Variants in ZBTB17 observed in about 807,000 individuals in gnomAD.
ZBTB17 encodes the protein zinc finger and BTB domain-containing protein 17.
A neutral mutation model predicts 85.1 loss-of-function variants in ZBTB17; 24 were observed. That is an observed-to-expected ratio of 0.28 (90% CI 0.20 to 0.40). ZBTB17 has a LOEUF of 0.40. ZBTB17 is among the 10% of genes least tolerant of loss of function. ZBTB17 has a pLI of 1.00. For missense variants in ZBTB17, 743 were observed against 1,105.1 expected (o/e 0.67, Z 4.65); for synonymous variants, 464 against 460.2 (o/e 1.01, Z -0.11).
At position 15,973,313 on chromosome 1, in the gene ZBTB17, A is replaced by G. The variant is rs2072746927; in HGVS notation, c.-89-188T>C. On this transcript the variant is annotated intron_variant, in intron 1 of 15. Transcript: ENST00000375743. This position sits in a 1 kb window ranked among gnomAD's most constrained non-coding sequence, Gnocchi z 4.1. ...GATAGCATGCTGACACTGGGACACA[A>G]AGATGCACAGACTCAGCCTCAGGCC... Among the ~76,000 whole-genome samples, 1 of 152,228 alleles carries G rather than the reference A, an allele frequency of 6.6e-6. No individual in the cohort carries two copies. Among genetic ancestry groups the G allele is most frequent in the South Asian group, 2.1e-4 (1 of 4,832 alleles).
intron 2 of ZBTB17, among the ~76,000 whole-genome samples, chr1:15,971,686 T>G (rs2072693447): frequency 6.6e-6 from 1 of 150,536 alleles, no homozygotes; most frequent in Non-Finnish European, 1.5e-5. Flanking sequence ...GCAAACCCTG[T>G]GAATTACCTG....
chr1:15,946,005 C>G, intron 5 of ZBTB17, 149 bp downstream of exon 5: 1 of 1,548,044 alleles, frequency 6.5e-7, no homozygotes, highest in South Asian at 1.1e-5. Context: ...AACAGACCCC[C>G]TGGAACACAC....
At position 15,964,124 on chromosome 1, in the gene ZBTB17, GA is replaced by G. The variant is rs34511728; in HGVS notation, c.-3+8914del. On this transcript the variant is annotated intron_variant, in intron 2 of 15. Coordinates refer to ENST00000375743, the MANE Select transcript of ZBTB17 (RefSeq NM_003443.3). This position sits in a 1 kb window ranked among gnomAD's most constrained non-coding sequence, Gnocchi z 4.3. ...AACAGCGAGACCCTGTCTCTAGAGA[GA>G]AAAAAAAAAAAAGGTTTAAAAAGAA... 4.7e-3 allele frequency among the ~76,000 whole-genome samples: 625 copies of G among 133,872 alleles called. 1 individual carries two copies. The highest frequency in any genetic ancestry group is 5.5e-3 in the African/African-American group (195 of 35,536). The allele number at this position is 133,872 out of a possible 152,430, so 87.8% of individuals were successfully genotyped here. A position where few individuals can be genotyped will look rare whatever the true frequency, so the allele number is the denominator to read the frequency against.
In ZBTB17 at chr1:15,959,783, T is replaced by C. The variant is rs563806820; in HGVS notation, c.-2-11286A>G. 2.0e-5 allele frequency among the ~76,000 whole-genome samples: 3 copies of C among 151,708 alleles called. No homozygotes were observed. The South Asian group carries it at 6.3e-4, about 32-fold the overall frequency. On this transcript the variant is annotated intron_variant, in intron 2 of 15. Coordinates refer to ENST00000375743, the MANE Select transcript of ZBTB17 (RefSeq NM_003443.3). Reference sequence around the variant, plus strand: ...GCAAAACTCTGTCAAAAAATAAAAATAAAAAAGACAGAAAAGAAAGAAAGA... The same window carrying C: ...GCAAAACTCTGTCAAAAAATAAAAACAAAAAAGACAGAAAAGAAAGAAAGA...
chr1:15,942,392 G>T lies in ZBTB17; in HGVS notation c.2067C>A (p.Ala689=). 3.1e-6 allele frequency: 5 copies of T among 1,613,562 alleles called. No homozygotes were observed. Among genetic ancestry groups the T allele is most frequent in the Non-Finnish European group, 4.2e-6 (5 of 1,179,992 alleles). The change falls in exon 15 of 16, where the codon GCC becomes GCA. Residue 689 remains alanine (A), a synonymous_variant. Transcript: ENST00000375743. ...TVVPVGAAVT[A]DETEVLKAEI... ...CGGCCTTCAGGACTTCCGTCTCATC[G>T]GCTGTCACTGCAGCTCCCACCGGCA...
chr1:15,951,092 C>G lies in ZBTB17; in HGVS notation c.-2-2595G>C, dbSNP rs912964851. 2.6e-5 allele frequency among the ~76,000 whole-genome samples: 4 copies of G among 152,222 alleles called. No homozygotes were observed. The highest frequency in any genetic ancestry group is 9.7e-5 in the African/African-American group (4 of 41,450). On this transcript the variant is annotated intron_variant, in intron 2 of 15. Transcript: ENST00000375743. The surrounding 1 kb of genome is among the most constrained non-coding windows in gnomAD (Gnocchi z 4.1). ...TGTGCCCATGAGCAACATTTTCCAC[C>G]GTGCTGACTGCACTTTTCCAATGCA...
In ZBTB17 at chr1:15,948,358, G is replaced by A. The variant is rs759192181; in HGVS notation, c.138C>T (p.Ser46=). 22 of 1,613,900 alleles carry A rather than the reference G, an allele frequency of 1.4e-5. No individual in the cohort carries two copies. The highest frequency in any genetic ancestry group is 8.0e-5 in the African/African-American group (6 of 74,952). Reference sequence around the variant, plus strand: ...CCACGAAGAGCATCTTGAAGTACTCGCTGCAGGCCGCCAGCACTGCTTTAT... The same window carrying A: ...CCACGAAGAGCATCTTGAAGTACTCACTGCAGGCCGCCAGCACTGCTTTAT... The part of the protein sequence containing the change: ...KAHKAVLAAC[S]EYFKMLFVDQ... The change falls in exon 3 of 16, where the codon AGC becomes AGT. Residue 46 remains serine (S), a synonymous_variant. Transcript: ENST00000375743.
At position 15,942,312 on chromosome 1, in the gene ZBTB17, C is replaced by G. The variant is rs752552400; in HGVS notation, c.2128+19G>C. 5 of 1,613,870 alleles carry G rather than the reference C, an allele frequency of 3.1e-6. No individual in the cohort carries two copies. The highest frequency in any genetic ancestry group is 2.2e-5 in the South Asian group (2 of 91,086). On this transcript the variant is annotated intron_variant, in intron 15 of 15. Coordinates refer to ENST00000375743, the MANE Select transcript of ZBTB17 (RefSeq NM_003443.3). Reference sequence around the variant, plus strand: ...ACCCCGGGCTCTGCCCACATTCACACCCGGGTGGCCCCCCTCACCTTCTTC... The same window carrying G: ...ACCCCGGGCTCTGCCCACATTCACAGCCGGGTGGCCCCCCTCACCTTCTTC...
At position 15,944,367 on chromosome 1, in the gene ZBTB17, C is replaced by T; in HGVS notation, c.1304G>A (p.Arg435His). The change falls in exon 9 of 16, where the codon CGC becomes CAC. Residue 435 changes from arginine (R) to histidine (H), a missense_variant. Physicochemically the swap from Arg to His is conservative, Grantham distance 29. Coordinates refer to ENST00000375743, the MANE Select transcript of ZBTB17 (RefSeq NM_003443.3). Reference protein sequence around the residue: ...RSFSDPTSKMRHLETHDTDKE... With the variant: ...RSFSDPTSKMHHLETHDTDKE... Reference sequence around the variant, plus strand: ...GTCCGTGTCGTGGGTCTCCAGGTGGCGCATCTTGGAAGTGGGGTCGGAGAA... The same window carrying T: ...GTCCGTGTCGTGGGTCTCCAGGTGGTGCATCTTGGAAGTGGGGTCGGAGAA... 1 of 1,558,938 alleles carries T rather than the reference C, an allele frequency of 6.4e-7. No individual in the cohort carries two copies.
At position 15,942,615 on chromosome 1, in the gene ZBTB17, C is replaced by G. The variant is rs1466498417; in HGVS notation, c.1952G>C (p.Gly651Ala). The G allele has an allele frequency of 1.9e-5, 30 of 1,613,442 alleles. No individual in the cohort carries two copies. The highest frequency in any genetic ancestry group is 2.5e-5 in the Non-Finnish European group (30 of 1,180,046). The change falls in exon 14 of 16, where the codon GGC becomes GCC. Residue 651 changes from glycine (G) to alanine (A), a missense_variant. Physicochemically the swap from Gly to Ala is moderately conservative, Grantham distance 60. Coordinates refer to ENST00000375743, the MANE Select transcript of ZBTB17 (RefSeq NM_003443.3). ...AGIKILEPEE[G>A]SEVSVVTVDD... is the part of the protein sequence containing the mutation. ...CACAGTGACCACGCTGACCTCACTG[C>G]CCTCCTCGGGCTCCAGGATCTTGAT...
At chr1:15,968,542 C>G (rs1220163816) in intron 2 of ZBTB17, among the ~76,000 whole-genome samples, 1 of 152,176 alleles carries the variant, frequency 6.6e-6, no homozygotes, top group Non-Finnish European at 1.5e-5. Flanking sequence ...GGGCTCCAAA[C>G]TCACTTGGGT....
Position 15,943,214 on chromosome 1 carries a change from G to T in ZBTB17, c.1698-20C>A. 6.2e-7 allele frequency: 1 copy of T among 1,614,112 alleles called. No homozygotes were observed. The highest frequency in any genetic ancestry group is 1.1e-5 in the South Asian group (1 of 91,076). ...ACGAATCTGTGGGGCCACAGGAAGG[G>T]ACTCGCATGGAACTGCCCCAACCTG... On this transcript the variant is annotated intron_variant, in intron 12 of 15. Transcript: ENST00000375743.
intron 2 of ZBTB17, among the ~76,000 whole-genome samples, chr1:15,971,381 C>CTA (rs139943728): frequency 0.59 from 77,562 of 132,378 alleles, 24,719 homozygotes; most frequent in East Asian, 0.79. Context: ...TATACACACA[C>CTA]TATATATATA....
At chr1:15,948,806 G>T (rs1482502323) in intron 2 of ZBTB17, among the ~76,000 whole-genome samples, 1 of 152,146 alleles carries the variant, frequency 6.6e-6, no homozygotes, top group Non-Finnish European at 1.5e-5. Flanking sequence ...GCCAAAAAAG[G>T]GAACAAATAC....
Position 15,941,975 on chromosome 1 carries a change from G to A in ZBTB17, c.2406C>T (p.Ala802=), listed in dbSNP as rs970767601. 42 of 1,592,800 alleles carry A rather than the reference G, an allele frequency of 2.6e-5. No homozygotes were observed. The highest frequency in any genetic ancestry group is 1.7e-4 in the Middle Eastern group (1 of 6,036). Residue 802 remains alanine (A), a synonymous_variant, in exon 16 of 16, where the codon GCC becomes GCT. Coordinates refer to ENST00000375743, the MANE Select transcript of ZBTB17 (RefSeq NM_003443.3). The part of the protein sequence containing the change: ...SPTAPECPPP[A]E The stretch of plus-strand genomic sequence containing the variant: ...AGTCAGAAGGGCCGCCAGCTCACTC[G>A]GCAGGCGGGGGACATTCAGGAGCTG...
At chr1:15,962,597 C>T (rs923317657) in intron 2 of ZBTB17, among the ~76,000 whole-genome samples, 6 of 152,136 alleles carry the variant, frequency 3.9e-5, no homozygotes, top group Non-Finnish European at 8.8e-5. Context: ...ACATTCAAGG[C>T]CAAATCCATC....
chr1:15,943,946 GC>G (rs1236751026), intron 9 of ZBTB17, 51 bp from the exon 10 acceptor site: 3 of 1,521,174 alleles, frequency 2.0e-6, no homozygotes, highest in East Asian at 2.4e-5. Flanking sequence ...TCGGCCCCGG[GC>G]CCCCTCACCT....
chr1:15,962,759 T>C (rs892128200), intron 2 of ZBTB17, among the ~76,000 whole-genome samples: 2 of 152,134 alleles, frequency 1.3e-5, no homozygotes, highest in African/African-American at 2.4e-5. Flanking sequence ...CTTATACTAA[T>C]GAGTGCGATA....
At chr1:15,954,170 C>T (rs542225882) in intron 2 of ZBTB17, among the ~76,000 whole-genome samples, 67 of 152,296 alleles carry the variant, frequency 4.4e-4, no homozygotes, top group African/African-American at 1.6e-3. Flanking sequence ...TTCTGTTAAA[C>T]CCCAAGAGTG....
Sources: gnomAD v4.1 joint callset for allele counts (sites outside exome capture counted in the v4.1 genomes callset) on GRCh38, gnomAD v4.1.1 for gene constraint, Gnocchi (gnomAD v3.1) non-coding constraint, MANE v1.5 for transcripts, NCBI Gene and HGNC (gene_info 2026-07-23, HGNC 2026-07-21) for gene names.